Variants in LRMDA observed in about 807,000 individuals in gnomAD.
The protein encoded by LRMDA is leucine-rich melanocyte differentiation-associated protein.
A neutral mutation model predicts 29.8 loss-of-function variants in LRMDA; 18 were observed. The observed-to-expected ratio is 0.60, with a 90% confidence interval of 0.42 to 0.90. The LOEUF (loss-of-function observed/expected upper bound fraction) is 0.90, where lower values mean the gene tolerates loss of function less well. LRMDA is among the 40% of genes least tolerant of loss of function. The pLI is 0.00. For synonymous variants in LRMDA, 125 were observed against 109.4 expected, an observed-to-expected ratio of 1.14 and a Z score of -0.89; for missense variants, 273 against 273.9, an observed-to-expected ratio of 1.00 and a Z score of 0.02.
Position 76,292,726 on chromosome 10 carries a change from T to C in LRMDA, c.517-31675T>C, listed in dbSNP as rs144707720. Among the ~76,000 whole-genome samples, 378 of 151,786 alleles carry C rather than the reference T, an allele frequency of 2.5e-3. 4 individuals are homozygous for C. Among genetic ancestry groups the C allele is most frequent in the African/African-American group, 7.3e-3 (301 of 41,354 alleles). On this transcript the variant is annotated intron_variant, in intron 5 of 6. Transcript: ENST00000611255. ...TGTCGCTCCTGCATTCTAGATAGAT[T>C]GGGCTGATGTTACACAGGCCTGCTT...
intron 2 of LRMDA, among the ~76,000 whole-genome samples, chr10:75,581,740 C>T (rs1840594990): frequency 1.3e-5 from 2 of 150,744 alleles, no homozygotes; most frequent in South Asian, 2.1e-4. Context: ...ACAATGAGAA[C>T]ACATGGGCAC....
chr10:76,379,353 G>A (rs181131271), intron 6 of LRMDA, among the ~76,000 whole-genome samples: 393 of 152,114 alleles, frequency 2.6e-3, no homozygotes, highest in African/African-American at 9.1e-3. Flanking sequence ...CTGTCTGGTC[G>A]TGGGCATTTT....
intron 2 of LRMDA, among the ~76,000 whole-genome samples, chr10:75,513,770 C>T (rs561649183): frequency 2.0e-5 from 3 of 152,148 alleles, no homozygotes; most frequent in African/African-American, 4.8e-5. Flanking sequence ...CTCTTACAAA[C>T]GAGCCTTGTG....
intron 2 of LRMDA, among the ~76,000 whole-genome samples, chr10:75,590,726 CTTTTTTTTTTTTTTTTTTTTTTTTTTTT>C (rs67966004): frequency 1.1e-4 from 8 of 71,384 alleles, no homozygotes; most frequent in South Asian, 6.2e-4. Flanking sequence ...ATAAAATAGT[CTTTTTTTTTTTTTTTTTTTTTTTTTTTT>C]TTTTTTTTTT....
At chr10:75,919,252 G>C (rs936868520) in intron 2 of LRMDA, among the ~76,000 whole-genome samples, 30 of 152,192 alleles carry the variant, frequency 2.0e-4, no homozygotes, top group African/African-American at 6.8e-4. Context: ...ATCATGGGCA[G>C]CTCCAAAGCT....
chr10:75,775,998 G>A (rs1398354144), intron 2 of LRMDA, among the ~76,000 whole-genome samples: 1 of 152,144 alleles, frequency 6.6e-6, no homozygotes, highest in Admixed American at 6.5e-5. Context: ...GAGGAGTTTA[G>A]TTAGCAAACC....
chr10:75,931,512 C>A (rs1846205024), intron 2 of LRMDA, among the ~76,000 whole-genome samples: 1 of 152,186 alleles, frequency 6.6e-6, no homozygotes, highest in Non-Finnish European at 1.5e-5. Flanking sequence ...TAGTAATAGA[C>A]ATCTTGGTCC....
intron 5 of LRMDA, among the ~76,000 whole-genome samples, chr10:76,242,683 C>T (rs1198922091): frequency 6.6e-6 from 1 of 152,196 alleles, no homozygotes; most frequent in East Asian, 1.9e-4. Flanking sequence ...CATCTTAACT[C>T]ATTACATCTG....
intron 6 of LRMDA, among the ~76,000 whole-genome samples, chr10:76,390,504 C>CAAAA (rs1287185717): frequency 1.0e-5 from 1 of 95,242 alleles, no homozygotes; most frequent in African/African-American, 3.5e-5. Flanking sequence ...TTAAGCAGAA[C>CAAAA]AAAAAAAAAA....
intron 2 of LRMDA, among the ~76,000 whole-genome samples, chr10:75,613,271 TTC>T (rs1459631332): frequency 6.6e-6 from 1 of 152,196 alleles, no homozygotes; most frequent in Non-Finnish European, 1.5e-5. Context: ...GTTGGATTGT[TTC>T]TCTGTTATAA....
rs561817928 is a variant in LRMDA at position 75,825,427 on chromosome 10, G to A, written c.132-210581G>A. Among the ~76,000 whole-genome samples, 3 of 152,280 alleles carry A rather than the reference G, an allele frequency of 2.0e-5. No homozygotes were observed. The South Asian group carries it at 6.2e-4, about 32-fold the overall frequency. On this transcript the variant is annotated intron_variant, in intron 2 of 6. Transcript: ENST00000611255. ...TATAGTAAACAGGGCTTCACACATG[G>A]TGTATTTCTGCTGTGTTGGTTAGTT... is the stretch of plus-strand genomic sequence containing the variant.
intron 5 of LRMDA, among the ~76,000 whole-genome samples, chr10:76,148,218 A>G (rs1320412210): frequency 1.3e-5 from 2 of 152,176 alleles, no homozygotes; most frequent in South Asian, 2.1e-4. Flanking sequence ...AAGCTGTCAG[A>G]GAGGGACATT....
At chr10:76,295,934 C>T (rs1381038160) in intron 5 of LRMDA, among the ~76,000 whole-genome samples, 1 of 152,190 alleles carries the variant, frequency 6.6e-6, no homozygotes. Flanking sequence ...TTGGAATTAT[C>T]TAGCATAGTG....
chr10:75,522,852 A>G (rs1469287373), intron 2 of LRMDA, among the ~76,000 whole-genome samples: 3 of 152,224 alleles, frequency 2.0e-5, no homozygotes, highest in East Asian at 3.9e-4. Context: ...AATACATGAC[A>G]TCAGGCCCTG....
At chr10:75,803,468 G>T (rs1207207142) in intron 2 of LRMDA, among the ~76,000 whole-genome samples, 1 of 152,190 alleles carries the variant, frequency 6.6e-6, no homozygotes, top group Admixed American at 6.5e-5. Flanking sequence ...AGGTTGCATG[G>T]CACTGTGGGT....
intron 2 of LRMDA, among the ~76,000 whole-genome samples, chr10:75,702,815 A>C (rs551833592): frequency 6.6e-6 from 1 of 152,200 alleles, no homozygotes; most frequent in African/African-American, 2.4e-5. Flanking sequence ...TATAGTTTTC[A>C]TGTGTGTGTC....
chr10:76,545,638 T>TTTTTTATTA (rs367744493), intron 6 of LRMDA, among the ~76,000 whole-genome samples: 1 of 143,776 alleles, frequency 7.0e-6, no homozygotes, highest in Non-Finnish European at 1.5e-5. Flanking sequence ...GGAACAACCT[T>TTTTTTATTA]TTATTATTAT....
chr10:76,207,827 G>T (rs1199136959), intron 5 of LRMDA, among the ~76,000 whole-genome samples: 1 of 152,112 alleles, frequency 6.6e-6, no homozygotes, highest in African/African-American at 2.4e-5. Context: ...AGCTGGGCGT[G>T]GTGGCACATA....
intron 5 of LRMDA, among the ~76,000 whole-genome samples, chr10:76,169,384 T>C (rs1224671917): frequency 6.6e-6 from 1 of 152,204 alleles, no homozygotes; most frequent in Non-Finnish European, 1.5e-5. Context: ...AAATATTCTT[T>C]CCCTCACAGA....
Sources: gnomAD v4.1 joint callset for allele counts (sites outside exome capture counted in the v4.1 genomes callset) on GRCh38, gnomAD v4.1.1 for gene constraint, MANE v1.5 for transcripts, NCBI Gene and HGNC (gene_info 2026-07-23, HGNC 2026-07-21) for gene names.